Variants in FBN1 observed in about 807,000 individuals in gnomAD.
FBN1 encodes the protein fibrillin 1, also known as fibrillin-1.
A neutral mutation model predicts 365.1 loss-of-function variants in FBN1; 29 were observed. The observed-to-expected ratio is 0.08, with a 90% confidence interval of 0.06 to 0.11. The LOEUF is 0.11. Among genes scored for constraint, FBN1 ranks in the 10% least tolerant of loss-of-function variants. The pLI is 1.00. For missense variants in FBN1, 2,476 were observed against 3,703.2 expected (o/e 0.67, Z 8.60); for synonymous variants, 1,210 against 1,270.5 (o/e 0.95, Z 1.01).
At position 48,463,296 on chromosome 15, in the gene FBN1, A is replaced by C. The variant is rs964753900; in HGVS notation, c.5066-56T>G. 5.2e-6 allele frequency: 8 copies of C among 1,540,554 alleles called. No homozygotes were observed. The East Asian group carries it at 1.1e-4, about 22-fold the overall frequency. On this transcript the variant is annotated intron_variant, in intron 41 of 65. Transcript: ENST00000316623. The stretch of plus-strand genomic sequence containing the variant: ...GGTTGGTGATGCCATGTGGGAAATC[A>C]CAACAAATTTCTAAGTGGATACTCA...
chr15:48,426,915 C>G (rs2042983298), intron 58 of FBN1, among the ~76,000 whole-genome samples: 1 of 152,206 alleles, frequency 6.6e-6, no homozygotes, highest in African/African-American at 2.4e-5. Flanking sequence ...TTCTTAACCT[C>G]CTTCTTCCCC....
intron 6 of FBN1, among the ~76,000 whole-genome samples, chr15:48,583,151 T>A (rs1488213255): frequency 6.6e-6 from 1 of 152,230 alleles, no homozygotes; most frequent in Non-Finnish European, 1.5e-5. Flanking sequence ...TTTCATTCAT[T>A]ATTATACATC....
At chr15:48,520,852 C>G in intron 9 of FBN1, 35 bp from the exon 10 acceptor site, 1 of 1,612,210 alleles carries the variant, frequency 6.2e-7, no homozygotes, top group Non-Finnish European at 8.5e-7. Flanking sequence ...ACACACACAT[C>G]GCTGAGATAA....
chr15:48,587,539 G>A (rs2044447002), intron 6 of FBN1, among the ~76,000 whole-genome samples: 1 of 152,150 alleles, frequency 6.6e-6, no homozygotes, highest in African/African-American at 2.4e-5. Flanking sequence ...TACCATGAAA[G>A]CTGACACAGC....
At chr15:48,519,275 T>C (rs1320888156) in intron 10 of FBN1, among the ~76,000 whole-genome samples, 1 of 152,238 alleles carries the variant, frequency 6.6e-6, no homozygotes, top group African/African-American at 2.4e-5. Flanking sequence ...AAAAATTGTA[T>C]ATATTCATTG....
intron 31 of FBN1, among the ~76,000 whole-genome samples, chr15:48,483,483 T>C (rs1392591786): frequency 6.6e-6 from 1 of 152,250 alleles, no homozygotes; most frequent in African/African-American, 2.4e-5. Flanking sequence ...GAAGTAAATT[T>C]TGTTTGCCTT....
chr15:48,499,153 T>C, intron 17 of FBN1, 115 bp from the exon 18 acceptor site: 1 of 1,049,808 alleles, frequency 9.5e-7, no homozygotes, highest in Admixed American at 1.8e-5. Context: ...ACTTAAGTGG[T>C]AACGGAAAAG....
At chr15:48,505,844 T>C (rs528751603) in intron 15 of FBN1, among the ~76,000 whole-genome samples, 3 of 152,340 alleles carry the variant, frequency 2.0e-5, no homozygotes, top group African/African-American at 4.8e-5. Flanking sequence ...ATATTAATAA[T>C]AGCAGAGGGT....
intron 2 of FBN1, chr15:48,642,848 A>G (rs1278571964): frequency 6.6e-6 from 1 of 152,244 alleles, no homozygotes; most frequent in Non-Finnish European, 1.5e-5. Flanking sequence ...TACTGTGAGG[A>G]GCACAGAGAG....
rs1357901401 is a variant in FBN1 at position 48,644,729 on chromosome 15, G to A, written c.41C>T (p.Thr14Ile). ...GCTCGTGTAGGACGCTAAAAGCACG[G>A]TAAATCCCAGGGCGATCTCCAGCAG... Reference protein sequence around the residue: ...GRLLEIALGFTVLLASYTSHG... With the variant: ...GRLLEIALGFIVLLASYTSHG... Residue 14 changes from threonine to isoleucine, a missense_variant, in exon 2 of 66, where the codon ACC becomes ATC. Physicochemically the swap from Thr to Ile is moderately conservative, Grantham distance 89. Coordinates refer to ENST00000316623, the MANE Select transcript of FBN1 (RefSeq NM_000138.5). 1 of 1,613,774 alleles carries A rather than the reference G, an allele frequency of 6.2e-7. No homozygotes were observed. The highest frequency in any genetic ancestry group is 1.7e-5 in the Admixed American group (1 of 60,010).
At chr15:48,540,616 G>C (rs555140078) in intron 6 of FBN1, among the ~76,000 whole-genome samples, 16 of 151,962 alleles carry the variant, frequency 1.1e-4, no homozygotes, top group Non-Finnish European at 1.5e-4. Context: ...TCCTTTTCAG[G>C]ATAAAAACAG....
intron 2 of FBN1, chr15:48,643,110 A>G (rs1386436941): frequency 1.3e-5 from 2 of 152,254 alleles, no homozygotes; most frequent in Non-Finnish European, 2.9e-5. Context: ...TCCTATCAGA[A>G]TAGATATTAA....
intron 2 of FBN1, among the ~76,000 whole-genome samples, chr15:48,618,641 G>A (rs1005728657): frequency 2.0e-5 from 3 of 152,168 alleles, no homozygotes; most frequent in Non-Finnish European, 4.4e-5. Context: ...CCCAACCCCT[G>A]GGCCACAGAC....
chr15:48,540,034 T>C (rs2044046290), intron 6 of FBN1, among the ~76,000 whole-genome samples: 2 of 152,196 alleles, frequency 1.3e-5, no homozygotes, highest in Admixed American at 1.3e-4. Context: ...CACTCAGCAC[T>C]GCAGTAATTT....
chr15:48,614,178 T>C (rs150340286), intron 2 of FBN1, among the ~76,000 whole-genome samples: 4 of 152,310 alleles, frequency 2.6e-5, no homozygotes, highest in Non-Finnish European at 5.9e-5. Flanking sequence ...AGTTTTACTT[T>C]GCCGTATCCT....
rs1158045779 is a variant in FBN1 at position 48,474,257 on chromosome 15, G to A, written c.4208C>T (p.Thr1403Ile). The change falls in exon 34 of 66, where the codon ACA becomes ATA. Residue 1403 changes from threonine to isoleucine, a missense_variant and splice_region_variant. Coordinates refer to ENST00000316623, the MANE Select transcript of FBN1 (RefSeq NM_000138.5). ...EGYTGDGFTC[T>I]DLDECSENLN... ...AGTTGTTTCCAGCGTGAACATACCT[G>A]TACAAGTGAAGCCATCACCTGTGTA... 1 of 1,614,086 alleles carries A rather than the reference G, an allele frequency of 6.2e-7. No individual in the cohort carries two copies. Among genetic ancestry groups the A allele is most frequent in the Admixed American group, 1.7e-5 (1 of 60,016 alleles).
rs560004254 is a variant in FBN1, at chr15:48,644,945, T to A, written c.-176A>T. ...CGCTGCTCCCACTTCAGGCGGCCCC[T>A]GCCAGCTGCAACACAGAGACAAATC... On this transcript the variant is annotated 5_prime_UTR_variant, in exon 2 of 66. Transcript: ENST00000316623. The A allele has an allele frequency of 4.7e-4, 224 of 479,144 alleles. 2 individuals carry two copies. The highest frequency in any genetic ancestry group is 4.4e-3 in the African/African-American group (211 of 48,462). The allele number at this position is 479,144 out of a possible 1,614,324, so 29.7% of individuals were successfully genotyped here.
In FBN1 at chr15:48,419,413, G is replaced by T. The variant is rs115727970; in HGVS notation, c.7819+1274C>A. 4.3e-3 allele frequency among the ~76,000 whole-genome samples: 657 copies of T among 152,126 alleles called. 4 individuals are homozygous for T. The highest frequency in any genetic ancestry group is 0.015 in the African/African-American group (634 of 41,492). ...GTGTTATTAAAATGACCTAAATAATGAGAACAGACAGGCTCATAAACTGGG... is the reference window on the plus strand; with the variant it reads ...GTGTTATTAAAATGACCTAAATAATTAGAACAGACAGGCTCATAAACTGGG... On this transcript the variant is annotated intron_variant, in intron 63 of 65. Coordinates refer to ENST00000316623, the MANE Select transcript of FBN1 (RefSeq NM_000138.5).
intron 27 of FBN1, 121 bp from the exon 28 acceptor site, chr15:48,487,558 C>A: frequency 7.4e-7 from 1 of 1,345,274 alleles, no homozygotes; most frequent in Non-Finnish European, 1.1e-6. Flanking sequence ...GGTGGGACAA[C>A]TCTCTGGTGC....
Sources: allele counts gnomAD v4.1 joint callset (sites outside exome capture counted in the v4.1 genomes callset), GRCh38; gene constraint gnomAD v4.1.1; transcripts MANE v1.5; gene names NCBI Gene and HGNC (gene_info 2026-07-23, HGNC 2026-07-21).